Variants in PRDM14 observed in about 807,000 individuals in gnomAD.
The protein encoded by PRDM14 is PR domain zinc finger protein 14.
Under a neutral mutation model 48.0 loss-of-function variants are expected in PRDM14, and 16 were observed. The observed-to-expected ratio is 0.33, with a 90% confidence interval of 0.23 to 0.51. The LOEUF (loss-of-function observed/expected upper bound fraction) is 0.51, where lower values mean the gene tolerates loss of function less well. PRDM14 is among the 20% of genes least tolerant of loss of function. The probability of loss-of-function intolerance (pLI) is 0.97; values close to 1 mark genes in which losing one functional copy is unlikely to be tolerated. For synonymous variants in PRDM14, 264 were observed against 276.6 expected, an observed-to-expected ratio of 0.95 and a Z score of 0.45; for missense variants, 566 against 719.6, an observed-to-expected ratio of 0.79 and a Z score of 2.44.
intron 5 of PRDM14, among the ~76,000 whole-genome samples, chr8:70,065,105 C>T (rs1171635491): frequency 1.3e-5 from 2 of 151,874 alleles, no homozygotes; most frequent in African/African-American, 4.8e-5. Flanking sequence ...CCAGGATGGT[C>T]TTGATCTCCT....
chr8:70,054,954 T>G (rs1805448597), intron 7 of PRDM14, among the ~76,000 whole-genome samples: 1 of 152,070 alleles, frequency 6.6e-6, no homozygotes, highest in South Asian at 2.1e-4. Flanking sequence ...CCCAAGTAGC[T>G]GGGACTACAG....
intron 5 of PRDM14, among the ~76,000 whole-genome samples, chr8:70,060,734 C>A (rs1401957182): frequency 1.3e-5 from 2 of 152,198 alleles, no homozygotes; most frequent in Non-Finnish European, 2.9e-5. Flanking sequence ...CTGCCTGGCA[C>A]TTGTTACAAG....
At position 70,063,636 on chromosome 8, in the gene PRDM14, T is replaced by C. The variant is rs932712567; in HGVS notation, c.1183+2599A>G. On this transcript the variant is annotated intron_variant, in intron 5 of 7. Coordinates refer to ENST00000276594, the MANE Select transcript of PRDM14 (RefSeq NM_024504.4). Reference sequence around the variant, plus strand: ...CTCCTGGGTTCAAGCGATTCTCCTGTCTCAGCCTCCTGAGTAGCTGGGATT... The same window carrying C: ...CTCCTGGGTTCAAGCGATTCTCCTGCCTCAGCCTCCTGAGTAGCTGGGATT... Among the ~76,000 whole-genome samples the C allele has an allele frequency of 3.3e-5, 5 of 151,592 alleles. No homozygotes were observed. In the South Asian group the frequency reaches 6.3e-4, roughly 19 times the overall value.
intron 4 of PRDM14, 116 bp downstream of exon 4, chr8:70,068,114 G>A (rs558674761): frequency 3.7e-4 from 425 of 1,160,418 alleles, no homozygotes; most frequent in Non-Finnish European, 5.0e-4. Flanking sequence ...ACAGATATCT[G>A]CCCTGGATGT....
intron 1 of PRDM14, among the ~76,000 whole-genome samples, chr8:70,070,497 T>C (rs1639443104): frequency 1.3e-5 from 2 of 151,984 alleles, no homozygotes; most frequent in Admixed American, 6.5e-5. Context: ...CGCGACCTGC[T>C]CTGGCCCAGC....
At chr8:70,063,223 C>T (rs2131039884) in intron 5 of PRDM14, among the ~76,000 whole-genome samples, 1 of 152,152 alleles carries the variant, frequency 6.6e-6, no homozygotes, top group South Asian at 2.1e-4. Context: ...CACTTGAGTC[C>T]AGGAGTTCAA....
Position 70,069,636 on chromosome 8 carries a change from A to T in PRDM14, c.225T>A (p.Pro75=). Residue 75 remains proline, a synonymous_variant, in exon 2 of 8, where the codon CCT becomes CCA. Transcript: ENST00000276594. ...GGCCCAGACCCGGGCTCAGCAAGGG[A>T]GGCGCCATCCGGAAGGGGAAGGGGG... ...AMPPFPFRMA[P]PLLSPGLGLQ... 4.5e-6 allele frequency: 7 copies of T among 1,572,144 alleles called. No individual in the cohort carries two copies. The highest frequency in any genetic ancestry group is 6.0e-6 in the Non-Finnish European group (7 of 1,159,014).
At chr8:70,054,609 T>G (rs1242640186) in intron 7 of PRDM14, among the ~76,000 whole-genome samples, 4 of 149,742 alleles carry the variant, frequency 2.7e-5, no homozygotes, top group Admixed American at 1.4e-4. Context: ...AACCTCTGCC[T>G]CTGGGTTCAA....
intron 7 of PRDM14, among the ~76,000 whole-genome samples, chr8:70,054,843 AGT>A (rs2131034527): frequency 6.9e-6 from 1 of 145,042 alleles, no homozygotes; most frequent in Non-Finnish European, 1.5e-5. Flanking sequence ...TTTTTGAGAC[AGT>A]GTCTCACTCT....
intron 1 of PRDM14, among the ~76,000 whole-genome samples, chr8:70,070,388 CTCCTGGG>C (rs1269476476): frequency 1.3e-5 from 2 of 152,286 alleles, no homozygotes; most frequent in East Asian, 3.9e-4. Flanking sequence ...GCTCCAGGCG[CTCCTGGG>C]CCCTCGGCTG....
intron 6 of PRDM14, among the ~76,000 whole-genome samples, chr8:70,056,816 C>CAAAAA (rs761330044): frequency 0.012 from 902 of 75,354 alleles, 40 homozygotes; most frequent in African/African-American, 0.043. Context: ...GAGACTGTCT[C>CAAAAA]AAAAAAAAAA....
At chr8:70,055,178 C>T (rs562405362) in intron 7 of PRDM14, 122 bp downstream of exon 7, 74 of 557,878 alleles carry the variant, frequency 1.3e-4, no homozygotes, top group African/African-American at 1.3e-3. Context: ...GAAATGAGGA[C>T]TGGGCTGATA....
At chr8:70,060,451 A>C (rs1805558800) in intron 5 of PRDM14, among the ~76,000 whole-genome samples, 1 of 152,102 alleles carries the variant, frequency 6.6e-6, no homozygotes, top group African/African-American at 2.4e-5. Context: ...GTCATACCTA[A>C]ACGATTAACT....
intron 6 of PRDM14, 148 bp downstream of exon 6, chr8:70,058,492 C>T (rs1292626437): frequency 1.4e-5 from 9 of 664,686 alleles, no homozygotes; most frequent in African/African-American, 7.2e-5. Flanking sequence ...CTGCCTGTTC[C>T]GTAATACTAT....
In PRDM14 at chr8:70,062,506, AT is replaced by A. The variant is rs921167972; in HGVS notation, c.1184-3665del. Reference sequence around the variant, plus strand: ...ACTTTATACACATAGCCTGAAGGTAATTTTTTTTTTTTTGAGACGGAATCTT... The same window carrying A: ...ACTTTATACACATAGCCTGAAGGTAATTTTTTTTTTTTGAGACGGAATCTT... On this transcript the variant is annotated intron_variant, in intron 5 of 7. Coordinates refer to ENST00000276594, the MANE Select transcript of PRDM14 (RefSeq NM_024504.4). 6.3e-3 allele frequency among the ~76,000 whole-genome samples: 923 copies of A among 146,900 alleles called. 4 individuals carry two copies. The highest frequency in any genetic ancestry group is 0.02 in the African/African-American group (825 of 40,382).
chr8:70,055,601 G>A (rs1490004554), intron 6 of PRDM14, among the ~76,000 whole-genome samples, 200 bp from the exon 7 acceptor site: 2 of 151,618 alleles, frequency 1.3e-5, no homozygotes, highest in African/African-American at 2.4e-5. Context: ...GAACTCCCAG[G>A]CTCAAGCGAT....
chr8:70,051,749 A>G lies in PRDM14; in HGVS notation c.*328T>C. 1 of 159,346 alleles carries G rather than the reference A, an allele frequency of 6.3e-6. No homozygotes were observed. The allele number at this position is 159,346 out of a possible 1,614,324, so 9.9% of individuals were successfully genotyped here. A position where few individuals can be genotyped will look rare whatever the true frequency, so the allele number is the denominator to read the frequency against. ...TCTCTTGTTTTTACATTGTCTCCAC[A>G]CTCTTGAGGGCTACTCATTTTTTTT... is the stretch of plus-strand genomic sequence containing the variant. On this transcript the variant is annotated 3_prime_UTR_variant, in exon 8 of 8. Coordinates refer to ENST00000276594, the MANE Select transcript of PRDM14 (RefSeq NM_024504.4).
chr8:70,055,426 T>C (rs767822810), intron 6 of PRDM14, 25 bp from the exon 7 acceptor site: 16 of 1,289,556 alleles, frequency 1.2e-5, no homozygotes, highest in Non-Finnish European at 1.6e-5. Flanking sequence ...AAAAATATAG[T>C]TGAAATCACA....
intron 5 of PRDM14, among the ~76,000 whole-genome samples, chr8:70,061,107 G>A (rs562671473): frequency 9.8e-5 from 15 of 152,298 alleles, no homozygotes; most frequent in Admixed American, 6.5e-4. Flanking sequence ...GGAGGGAGGA[G>A]GAGAGAAGTT....
Sources: gnomAD v4.1 joint callset for allele counts (sites outside exome capture counted in the v4.1 genomes callset) on GRCh38, gnomAD v4.1.1 for gene constraint, MANE v1.5 for transcripts, NCBI Gene and HGNC (gene_info 2026-07-23, HGNC 2026-07-21) for gene names.